Variants in NREP observed in about 807,000 individuals in gnomAD.
NREP encodes neuronal regeneration related protein, also known as neuronal regeneration-related protein.
Under a neutral mutation model 8.6 loss-of-function variants are expected in NREP, and 5 were observed. That is an observed-to-expected ratio of 0.58 (90% CI 0.30 to 1.22). The LOEUF (loss-of-function observed/expected upper bound fraction) is 1.22. NREP is among the 50% of genes most tolerant of loss of function. NREP has a pLI of 0.07. For synonymous variants in NREP, 27 were observed against 28.0 expected (o/e 0.96, Z 0.11); for missense variants, 86 against 82.5 (o/e 1.04, Z -0.17).
intron 2 of NREP, among the ~76,000 whole-genome samples, chr5:111,885,081 G>A (rs1275633927): frequency 6.6e-6 from 1 of 152,218 alleles, no homozygotes; most frequent in South Asian, 2.1e-4. Context: ...AAACCCCATT[G>A]TCTCAGCCCA....
intron 2 of NREP, chr5:111,969,432 A>G (rs1756739428): frequency 1.3e-5 from 2 of 152,228 alleles, no homozygotes; most frequent in Non-Finnish European, 2.9e-5. Context: ...TCAATCAGAA[A>G]AGAAGCTAAT....
At chr5:111,868,430 C>T (rs193011072) in intron 2 of NREP, among the ~76,000 whole-genome samples, 5 of 152,210 alleles carry the variant, frequency 3.3e-5, no homozygotes, top group African/African-American at 4.8e-5. Context: ...CTGTAGAATA[C>T]GAGTTGCAAA....
chr5:111,757,668 C>G, upstream of NREP: 1 of 983,694 alleles, frequency 1.0e-6, no homozygotes, highest in African/African-American at 1.7e-5. Context: ...CGCGCCGTCC[C>G]CACTGCACCG....
At chr5:111,749,959 AGTGT>A (rs760168193) in intron 2 of NREP, among the ~76,000 whole-genome samples, 21 of 152,088 alleles carry the variant, frequency 1.4e-4, no homozygotes, top group Non-Finnish European at 2.4e-4. Flanking sequence ...TAAGTGAGTG[AGTGT>A]GTGTGTTCTT....
chr5:111,786,522 T>C (rs1014353661), intron 2 of NREP, among the ~76,000 whole-genome samples: 1 of 152,226 alleles, frequency 6.6e-6, no homozygotes, highest in African/African-American at 2.4e-5. Flanking sequence ...TAAGCATGGA[T>C]ATACTATTAT....
At chr5:111,757,843 T>C (rs1750833736), upstream of NREP, 1 of 971,342 alleles carries the variant, frequency 1.0e-6, no homozygotes, top group Non-Finnish European at 1.2e-6. Context: ...AGGAGGCGGT[T>C]TGGGGGCGCG....
At chr5:111,783,938 C>T (rs568660623) in intron 2 of NREP, among the ~76,000 whole-genome samples, 2 of 152,258 alleles carry the variant, frequency 1.3e-5, no homozygotes, top group South Asian at 2.1e-4. Context: ...ATAAGACCTT[C>T]CTACACAAGT....
At chr5:111,956,739 A>G (rs1756331639) in intron 2 of NREP, among the ~76,000 whole-genome samples, 1 of 152,070 alleles carries the variant, frequency 6.6e-6, no homozygotes. Context: ...GGAGGCAGGT[A>G]GATCACTGGA....
chr5:111,915,540 T>A (rs1755033119), intron 2 of NREP, among the ~76,000 whole-genome samples: 1 of 151,994 alleles, frequency 6.6e-6, no homozygotes, highest in Non-Finnish European at 1.5e-5. Context: ...GTGCCTCTCT[T>A]CCAACCATTC....
intron 2 of NREP, among the ~76,000 whole-genome samples, chr5:111,923,586 T>C (rs1755304772): frequency 6.6e-6 from 1 of 152,186 alleles, no homozygotes; most frequent in Non-Finnish European, 1.5e-5. Flanking sequence ...ATGTGGGGTA[T>C]AAACAGTTAA....
chr5:111,801,412 C>T (rs1752003908), intron 2 of NREP, among the ~76,000 whole-genome samples: 1 of 152,088 alleles, frequency 6.6e-6, no homozygotes, highest in African/African-American at 2.4e-5. Flanking sequence ...TCATATTATC[C>T]CTTCTCCCTT....
chr5:111,845,644 C>G (rs2112954459), intron 2 of NREP, among the ~76,000 whole-genome samples: 1 of 152,050 alleles, frequency 6.6e-6, no homozygotes, highest in East Asian at 1.9e-4. Context: ...AAGATGATAT[C>G]AAGTACTAAT....
intron 2 of NREP, among the ~76,000 whole-genome samples, chr5:111,916,220 T>C (rs1755053481): frequency 1.3e-5 from 2 of 151,834 alleles, no homozygotes; most frequent in South Asian, 2.1e-4. Context: ...ATGTTGATGA[T>C]AGAGAGAGAG....
chr5:111,939,106 G>T (rs1470236960), intron 2 of NREP, among the ~76,000 whole-genome samples: 1 of 151,832 alleles, frequency 6.6e-6, no homozygotes, highest in African/African-American at 2.4e-5. Flanking sequence ...CCTTGCTCTT[G>T]GTCTTCCTTC....
intron 2 of NREP, among the ~76,000 whole-genome samples, chr5:111,748,516 G>C (rs1001785180): frequency 1.3e-5 from 2 of 152,130 alleles, no homozygotes; most frequent in South Asian, 4.1e-4. Flanking sequence ...CTGAGGATGT[G>C]CCAGATCCTA....
At chr5:111,934,783 GGCGGCAACAA>G (rs1332650114) in intron 2 of NREP, among the ~76,000 whole-genome samples, 1 of 152,112 alleles carries the variant, frequency 6.6e-6, no homozygotes. Context: ...TGAGCAGCCT[GGCGGCAACAA>G]GCCTGTCCTG....
At chr5:111,800,522 G>C (rs1751980230) in intron 2 of NREP, among the ~76,000 whole-genome samples, 2 of 152,312 alleles carry the variant, frequency 1.3e-5, no homozygotes, top group East Asian at 1.9e-4. Context: ...TGGAATGATA[G>C]CGCATGTGTG....
chr5:111,927,439 G>C (rs1372287637), intron 2 of NREP, among the ~76,000 whole-genome samples: 1 of 152,110 alleles, frequency 6.6e-6, no homozygotes, highest in East Asian at 1.9e-4. Flanking sequence ...TGCCCTCTGA[G>C]ATAAGCGCTC....
At chr5:111,851,932 C>T (rs561801365) in intron 2 of NREP, among the ~76,000 whole-genome samples, 1 of 152,184 alleles carries the variant, frequency 6.6e-6, no homozygotes, top group East Asian at 1.9e-4. Context: ...GAGACAATGT[C>T]CTGTAAGACA....
Sources: allele counts gnomAD v4.1 joint callset (sites outside exome capture counted in the v4.1 genomes callset), GRCh38; gene constraint gnomAD v4.1.1; transcripts MANE v1.5; gene names NCBI Gene and HGNC (gene_info 2026-07-23, HGNC 2026-07-21).